The following CACNB2 variants were observed in gnomAD, a reference collection of about 807,000 sequenced individuals.
CACNB2 encodes the protein voltage-dependent L-type calcium channel subunit beta-2.
In CACNB2, 42 loss-of-function variants were observed where a neutral mutation model predicts 73.3. The ratio of observed to expected loss-of-function variants is 0.57; its 90% CI spans 0.45 to 0.74. The LOEUF (loss-of-function observed/expected upper bound fraction) is 0.74. CACNB2 is among the 30% of genes least tolerant of loss of function. CACNB2 has a pLI of 0.00. For missense variants in CACNB2, 940 were observed against 853.0 expected, an observed-to-expected ratio of 1.10 and a Z score of -1.27; for synonymous variants, 348 against 310.3, an observed-to-expected ratio of 1.12 and a Z score of -1.28.
chr10:18,195,380 C>T (rs1007024530), intron 2 of CACNB2, among the ~76,000 whole-genome samples: 1 of 152,150 alleles, frequency 6.6e-6, no homozygotes, highest in Non-Finnish European at 1.5e-5. Flanking sequence ...TTGACCCACC[C>T]CAGCTATCAG....
At chr10:18,259,556 AAAAC>A (rs2037433927) in intron 2 of CACNB2, among the ~76,000 whole-genome samples, 1 of 131,258 alleles carries the variant, frequency 7.6e-6, no homozygotes, top group Non-Finnish European at 1.6e-5. Context: ...AAAAAAACAA[AAAAC>A]AAACAAAAAA....
chr10:18,435,989 A>G (rs1053208661), intron 3 of CACNB2, among the ~76,000 whole-genome samples: 5 of 152,212 alleles, frequency 3.3e-5, no homozygotes, highest in Admixed American at 6.5e-5. Context: ...TGAGCTTTTG[A>G]AAGTACGATG....
At chr10:18,278,583 C>T (rs1340439914) in intron 2 of CACNB2, among the ~76,000 whole-genome samples, 2 of 151,982 alleles carry the variant, frequency 1.3e-5, no homozygotes, top group African/African-American at 4.8e-5. Flanking sequence ...TTCTATTTTA[C>T]TTATAAAACA....
chr10:18,454,506 TG>T (rs149216751), intron 3 of CACNB2, among the ~76,000 whole-genome samples: 15,279 of 152,210 alleles, frequency 0.1, 908 homozygotes, highest in Admixed American at 0.17. Flanking sequence ...TGAGTAAGAT[TG>T]TTTTTTTACC....
chr10:18,322,495 T>C (rs972537581), intron 2 of CACNB2, among the ~76,000 whole-genome samples: 1 of 152,194 alleles, frequency 6.6e-6, no homozygotes, highest in Non-Finnish European at 1.5e-5. Flanking sequence ...ATCCCACATT[T>C]CCATAATTTT....
intron 3 of CACNB2, among the ~76,000 whole-genome samples, chr10:18,429,251 A>T (rs1021318053): frequency 6.6e-6 from 1 of 152,002 alleles, no homozygotes; most frequent in African/African-American, 2.4e-5. Context: ...TGAGGAGTCA[A>T]CTCTCATTAT....
chr10:18,302,267 G>A (rs553818372), intron 2 of CACNB2, among the ~76,000 whole-genome samples: 17 of 152,278 alleles, frequency 1.1e-4, no homozygotes, highest in African/African-American at 4.1e-4. Flanking sequence ...ATGGGGTCAG[G>A]GGTGGGTCGG....
At chr10:18,395,370 C>T (rs2043666950) in intron 2 of CACNB2, among the ~76,000 whole-genome samples, 1 of 152,104 alleles carries the variant, frequency 6.6e-6, no homozygotes, top group Non-Finnish European at 1.5e-5. Flanking sequence ...AACTAAAATA[C>T]CATCCCTCCC....
chr10:18,364,242 C>CG (rs11371304), intron 2 of CACNB2, among the ~76,000 whole-genome samples: 43,558 of 151,292 alleles, frequency 0.29, 6,733 homozygotes, highest in East Asian at 0.66. Context: ...GCATGAGCCG[C>CG]GGTGCCTGCC....
chr10:18,386,399 A>T (rs372898026), intron 2 of CACNB2, among the ~76,000 whole-genome samples: 10 of 106,500 alleles, frequency 9.4e-5, no homozygotes, highest in Admixed American at 1.2e-4. Context: ...TTTATTTATG[A>T]TTTTTTTTTT....
Position 18,539,534 on chromosome 10 carries a change from G to C in CACNB2, c.1793G>C (p.Ser598Thr). 1.2e-6 allele frequency: 2 copies of C among 1,613,882 alleles called. No individual in the cohort carries two copies. Among genetic ancestry groups the C allele is most frequent in the Non-Finnish European group, 1.7e-6 (2 of 1,179,972 alleles). ...HNHRDETHGS[S>T]DHRHRESRHR... is the part of the protein sequence containing the mutation. ...CACAGAGACGAGACCCACGGGAGCA[G>C]TGACCACAGACACAGGGAGTCCCGG... Residue 598 changes from serine (S) to threonine (T), a missense_variant, in exon 14 of 14, where the codon AGT (serine) becomes ACT (threonine). Physicochemically the swap from Ser to Thr is moderately conservative, Grantham distance 58. Coordinates refer to ENST00000324631, the MANE Select transcript of CACNB2 (RefSeq NM_201596.3).
intron 11 of CACNB2, among the ~76,000 whole-genome samples, chr10:18,535,387 G>C (rs1391505412): frequency 1.3e-5 from 2 of 152,248 alleles, no homozygotes; most frequent in East Asian, 3.9e-4. Flanking sequence ...GCAGCAGGTT[G>C]ACTGTAGAAG....
chr10:18,537,255 T>C (rs1214985528), intron 12 of CACNB2, among the ~76,000 whole-genome samples: 2 of 152,094 alleles, frequency 1.3e-5, no homozygotes, highest in African/African-American at 2.4e-5. Context: ...CCCAAAGTGC[T>C]GGGATTACAG....
intron 3 of CACNB2, among the ~76,000 whole-genome samples, chr10:18,464,158 G>A (rs916283911): frequency 2.0e-4 from 30 of 151,412 alleles, no homozygotes; most frequent in South Asian, 8.3e-4. Flanking sequence ...TCTCTTGCCA[G>A]TTCTTTTTTT....
intron 9 of CACNB2, among the ~76,000 whole-genome samples, chr10:18,525,528 G>C (rs2052382784): frequency 6.6e-6 from 1 of 152,012 alleles, no homozygotes; most frequent in Non-Finnish European, 1.5e-5. Flanking sequence ...TTTGATTCTA[G>C]ACCCTTTGGG....
rs2050166867 is a variant in CACNB2 at position 18,501,045 on chromosome 10, A to G, written c.593+97A>G. On this transcript the variant is annotated intron_variant, in intron 5 of 13. Coordinates refer to ENST00000324631, the MANE Select transcript of CACNB2 (RefSeq NM_201596.3). ...ATTCTGTATCCTTTATTATGTATTA[A>G]CAAGGAGGCTGGTAATATGGTTTAT... 44 of 1,201,014 alleles carry G rather than the reference A, an allele frequency of 3.7e-5. 1 individual carries two copies. In the South Asian group the frequency reaches 5.3e-4, roughly 15 times the overall value. The allele number at this position is 1,201,014 out of a possible 1,614,324, so 74.4% of individuals were successfully genotyped here. A position where few individuals can be genotyped will look rare whatever the true frequency, so the allele number is the denominator to read the frequency against.
At chr10:18,185,455 T>C (rs2034105419) in intron 2 of CACNB2, among the ~76,000 whole-genome samples, 1 of 152,202 alleles carries the variant, frequency 6.6e-6, no homozygotes, top group African/African-American at 2.4e-5. Context: ...AGGGTTATAA[T>C]GCATTTTGGC....
intron 2 of CACNB2, among the ~76,000 whole-genome samples, chr10:18,311,871 A>G (rs990417277): frequency 6.6e-6 from 1 of 152,212 alleles, no homozygotes; most frequent in African/African-American, 2.4e-5. Context: ...AGGGACCCCT[A>G]CAGTCACCTG....
At chr10:18,269,651 C>A (rs1201307316) in intron 2 of CACNB2, among the ~76,000 whole-genome samples, 2 of 152,042 alleles carry the variant, frequency 1.3e-5, no homozygotes, top group Non-Finnish European at 2.9e-5. Context: ...AGTTTTAGAC[C>A]CATATTCAAA....
Sources: allele counts gnomAD v4.1 joint callset (sites outside exome capture counted in the v4.1 genomes callset), GRCh38; gene constraint gnomAD v4.1.1; transcripts MANE v1.5; gene names NCBI Gene and HGNC (gene_info 2026-07-23, HGNC 2026-07-21).